The following GPR107 variants were observed in gnomAD, a reference collection of about 807,000 sequenced individuals.
The protein encoded by GPR107 is protein GPR107.
In GPR107, 31 loss-of-function variants were observed where a neutral mutation model predicts 75.5. The observed-to-expected ratio is 0.41, with a 90% confidence interval of 0.31 to 0.55. The LOEUF is 0.55. Ranked by LOEUF, GPR107 falls within the 20% of genes least tolerant of loss-of-function variation. The pLI is 0.26. For missense variants in GPR107, 572 were observed against 665.7 expected (o/e 0.86, Z 1.55); for synonymous variants, 267 against 251.3 (o/e 1.06, Z -0.59).
intron 1 of GPR107, among the ~76,000 whole-genome samples, chr9:130,056,349 C>T (rs1044442441): frequency 2.0e-5 from 3 of 151,256 alleles, no homozygotes; most frequent in Non-Finnish European, 2.9e-5. Context: ...CTACTCGGGG[C>T]TGAGGCAGGA....
chr9:130,053,980 G>A lies in GPR107; in HGVS notation c.48G>A (p.Arg16=), dbSNP rs1464715162. 9.0e-6 allele frequency: 14 copies of A among 1,553,682 alleles called. No individual in the cohort carries two copies. Among genetic ancestry groups the A allele is most frequent in the Non-Finnish European group, 1.1e-5 (13 of 1,149,792 alleles). ...GCTCCCCCGCCTCCCGCGGTCCTAG[G>A]CTGGCCGCGGGCCTCCGGCTGCTCC... is the stretch of plus-strand genomic sequence containing the variant. The part of the protein sequence containing the change: ...PVGSPASRGP[R]LAAGLRLLPM... The change falls in exon 1 of 18, where the codon AGG becomes AGA. Residue 16 remains arginine, a synonymous_variant. Coordinates refer to ENST00000347136, the MANE Select transcript of GPR107 (RefSeq NM_020960.5).
rs555491514 is a variant in GPR107 at position 130,066,381 on chromosome 9, C to A, written c.142-9255C>A. On this transcript the variant is annotated intron_variant, in intron 1 of 17. Transcript: ENST00000347136. ...TCGTTCCCATTGATTATTATGATTG[C>A]GCATTGATGATGATGATGGTGATGA... Among the ~76,000 whole-genome samples the A allele has an allele frequency of 1.8e-4, 18 of 101,728 alleles. 1 individual carries two copies. The highest frequency in any genetic ancestry group is 3.3e-4 in the Non-Finnish European group (16 of 49,010). The allele number at this position is 101,728 out of a possible 152,430, so 66.7% of individuals were successfully genotyped here.
intron 5 of GPR107, chr9:130,083,237 T>C (rs1051234642): frequency 5.8e-6 from 1 of 172,182 alleles, no homozygotes; most frequent in Non-Finnish European, 1.2e-5. Context: ...TTAAAAATTG[T>C]GTTTTCAAAT....
chr9:130,119,595 C>T (rs1266268555), intron 14 of GPR107, among the ~76,000 whole-genome samples: 1 of 152,092 alleles, frequency 6.6e-6, no homozygotes, highest in East Asian at 1.9e-4. Flanking sequence ...AATTTGAACC[C>T]AGGATGTTCA....
intron 1 of GPR107, among the ~76,000 whole-genome samples, chr9:130,069,045 A>T (rs997413420): frequency 1.3e-5 from 2 of 152,100 alleles, no homozygotes; most frequent in Non-Finnish European, 2.9e-5. Flanking sequence ...CTGCCCTAGG[A>T]TATACTTTTT....
chr9:130,095,222 C>T (rs906324976), intron 9 of GPR107, among the ~76,000 whole-genome samples: 6 of 152,002 alleles, frequency 3.9e-5, no homozygotes, highest in African/African-American at 7.3e-5. Flanking sequence ...GTGTGATTCT[C>T]CCTAAGATAA....
Position 130,068,065 on chromosome 9 carries a change from T to TC in GPR107, c.142-7570dup, listed in dbSNP as rs1830110102. Among the ~76,000 whole-genome samples the TC allele has an allele frequency of 2.0e-5, 3 of 150,376 alleles. No individual in the cohort carries two copies. In the South Asian group the frequency reaches 6.2e-4, roughly 31 times the overall value. On this transcript the variant is annotated intron_variant, in intron 1 of 17. Transcript: ENST00000347136. ...ATGATTGGTAGTCTTATTCTTGTTT[T>TC]CTTTTTTTTTTTTTTCTGTATTAGT...
chr9:130,054,192 CGGCCTTTCACTGACAGGTGGCGG>C, intron 1 of GPR107, 119 bp downstream of exon 1: 1 of 991,632 alleles, frequency 1.0e-6, no homozygotes, highest in South Asian at 1.7e-5. Context: ...CCCCTGGCTG[CGGCCTTTCACTGACAGGTGGCGG>C]GGTCTGTGGG....
chr9:130,085,089 T>A (rs495857), intron 6 of GPR107, among the ~76,000 whole-genome samples: 151,752 of 152,300 alleles, frequency 1, 75,607 homozygotes, highest in Non-Finnish European at 1. Flanking sequence ...ATGAGCAGGC[T>A]ACGGGAAGTC....
intron 15 of GPR107, among the ~76,000 whole-genome samples, chr9:130,126,569 C>T (rs947930462): frequency 1.6e-4 from 24 of 152,034 alleles, no homozygotes; most frequent in African/African-American, 5.8e-4. Flanking sequence ...AGGCTGGTCT[C>T]GAACTCCTGA....
intron 9 of GPR107, among the ~76,000 whole-genome samples, chr9:130,098,506 A>G (rs1830934730): frequency 6.6e-6 from 1 of 152,140 alleles, no homozygotes; most frequent in African/African-American, 2.4e-5. Flanking sequence ...TCTCAGGTCC[A>G]TCTACCTCAT....
At chr9:130,095,469 A>G (rs1830842350) in intron 9 of GPR107, among the ~76,000 whole-genome samples, 1 of 152,112 alleles carries the variant, frequency 6.6e-6, no homozygotes, top group Non-Finnish European at 1.5e-5. Flanking sequence ...ATCTTGGCTC[A>G]CTGCAACCTC....
chr9:130,078,311 C>T (rs1288071394), intron 4 of GPR107, among the ~76,000 whole-genome samples: 1 of 152,102 alleles, frequency 6.6e-6, no homozygotes, highest in Non-Finnish European at 1.5e-5. Context: ...AAGGTAGACT[C>T]CTAGCAGCCC....
At chr9:130,070,721 T>C (rs1830182966) in intron 1 of GPR107, among the ~76,000 whole-genome samples, 1 of 152,138 alleles carries the variant, frequency 6.6e-6, no homozygotes, top group African/African-American at 2.4e-5. Flanking sequence ...TTTTTTTTTC[T>C]TTTTTTCTTT....
intron 1 of GPR107, among the ~76,000 whole-genome samples, chr9:130,069,608 G>A (rs1338472554): frequency 2.6e-5 from 4 of 152,136 alleles, no homozygotes; most frequent in African/African-American, 9.7e-5. Context: ...GACATGACAC[G>A]ATAGCTTAAA....
intron 14 of GPR107, among the ~76,000 whole-genome samples, chr9:130,110,663 G>A (rs147378458): frequency 8.5e-5 from 13 of 152,338 alleles, no homozygotes; most frequent in Non-Finnish European, 1.6e-4. Flanking sequence ...CAGAGCAGCC[G>A]TGTTCCCAGC....
At chr9:130,069,394 G>A (rs1463770428) in intron 1 of GPR107, among the ~76,000 whole-genome samples, 1 of 152,166 alleles carries the variant, frequency 6.6e-6, no homozygotes, top group Non-Finnish European at 1.5e-5. Context: ...AACCTCCATT[G>A]CCTGTGTCAG....
intron 14 of GPR107, among the ~76,000 whole-genome samples, chr9:130,109,567 C>CTTTTTTTTTT (rs1554896235): frequency 3.8e-5 from 1 of 26,234 alleles, no homozygotes; most frequent in Non-Finnish European, 8.3e-5. Flanking sequence ...TAGTCTTTTT[C>CTTTTTTTTTT]TTTCTTTTTT....
chr9:130,083,333 G>C lies in GPR107; in HGVS notation c.527-232G>C, dbSNP rs576462705. Reference sequence around the variant, plus strand: ...AGAATATCCAGAAATGAATTCTGTTGTTACTATTACCGGTTACTAGATACC... The same window carrying C: ...AGAATATCCAGAAATGAATTCTGTTCTTACTATTACCGGTTACTAGATACC... On this transcript the variant is annotated intron_variant, in intron 5 of 17. Coordinates refer to ENST00000347136, the MANE Select transcript of GPR107 (RefSeq NM_020960.5). 3.9e-4 allele frequency: 131 copies of C among 340,114 alleles called. 1 individual carries two copies. The highest frequency in any genetic ancestry group is 2.5e-3 in the African/African-American group (120 of 47,328). 21.1% of individuals were successfully genotyped at this position (340,114 alleles called of 1,614,324 possible).
Sources: allele counts gnomAD v4.1 joint callset (sites outside exome capture counted in the v4.1 genomes callset), GRCh38; gene constraint gnomAD v4.1.1; transcripts MANE v1.5; gene names NCBI Gene and HGNC (gene_info 2026-07-23, HGNC 2026-07-21).